The following CIMIP3 variants were observed in gnomAD, a reference collection of about 807,000 sequenced individuals.
CIMIP3 encodes the protein ciliary microtubule inner protein 3.
the CIMIP3 span, chr6:42,163,074 G>A: frequency 2.8e-6 from 2 of 716,938 alleles, no homozygotes; most frequent in East Asian, 2.7e-5. Context: ...GACTCTAAGG[G>A]GCAGAATCCG....
the CIMIP3 span, among the ~76,000 whole-genome samples, chr6:42,157,121 A>ACC: frequency 6.6e-6 from 1 of 152,058 alleles, no homozygotes; most frequent in African/African-American, 2.4e-5. Context: ...CTCACTCTAA[A>ACC]CCCCGGCATA....
At chr6:42,156,152 C>A in the CIMIP3 span, among the ~76,000 whole-genome samples, 1 of 152,024 alleles carries the variant, frequency 6.6e-6, no homozygotes, top group East Asian at 1.9e-4. Flanking sequence ...TGCCACCACG[C>A]CCGGCTAATT....
At chr6:42,156,569 C>T in the CIMIP3 span, among the ~76,000 whole-genome samples, 1 of 152,126 alleles carries the variant, frequency 6.6e-6, no homozygotes, top group Admixed American at 6.5e-5. Context: ...CTGTGCTCCC[C>T]CAAAGGGAAA....
the CIMIP3 span, among the ~76,000 whole-genome samples, chr6:42,156,021 A>G: frequency 6.6e-6 from 1 of 151,338 alleles, no homozygotes; most frequent in Non-Finnish European, 1.5e-5. Context: ...TTTTTTTGAG[A>G]CTCGCTTTGT....
the CIMIP3 span, among the ~76,000 whole-genome samples, chr6:42,156,335 A>T: frequency 6.7e-6 from 1 of 150,332 alleles, no homozygotes; most frequent in East Asian, 1.9e-4. Context: ...TTTTTTATAA[A>T]ATAGAGATGA....
the CIMIP3 span, among the ~76,000 whole-genome samples, chr6:42,159,712 A>G: frequency 1.3e-5 from 2 of 152,216 alleles, no homozygotes; most frequent in East Asian, 3.9e-4. Context: ...AGAAAGAAAT[A>G]GAAGATCCAC....
At chr6:42,155,531 A>G in the CIMIP3 span, 34 of 717,300 alleles carry the variant, frequency 4.7e-5, no homozygotes, top group Non-Finnish European at 7.3e-5. Flanking sequence ...CGGGGTCACA[A>G]GAAGCCTGAT....
chr6:42,156,160 A>AT, the CIMIP3 span, among the ~76,000 whole-genome samples: 15 of 151,712 alleles, frequency 9.9e-5, no homozygotes, highest in Middle Eastern at 6.8e-3. Context: ...CGCCCGGCTA[A>AT]TTTTTTTGTA....
chr6:42,157,405 C>T, the CIMIP3 span, among the ~76,000 whole-genome samples: 1 of 152,040 alleles, frequency 6.6e-6, no homozygotes, highest in South Asian at 2.1e-4. Context: ...TGCACCATCA[C>T]ACCCAGCTAA....
At chr6:42,156,856 A>G in the CIMIP3 span, among the ~76,000 whole-genome samples, 1 of 152,244 alleles carries the variant, frequency 6.6e-6, no homozygotes, top group Non-Finnish European at 1.5e-5. Flanking sequence ...GCCAAGGCAC[A>G]TTGGACAGCA....
chr6:42,156,635 C>T, the CIMIP3 span, among the ~76,000 whole-genome samples: 57 of 152,316 alleles, frequency 3.7e-4, no homozygotes, highest in Middle Eastern at 3.4e-3. Flanking sequence ...TGTAACTGCC[C>T]GAGAGGCTGA....
chr6:42,159,651 C>T, the CIMIP3 span, among the ~76,000 whole-genome samples: 2 of 152,224 alleles, frequency 1.3e-5, no homozygotes, highest in African/African-American at 4.8e-5. Flanking sequence ...GGCTAATCAC[C>T]TGCCACCCAG....
chr6:42,160,182 T>G, the CIMIP3 span, among the ~76,000 whole-genome samples: 2 of 151,588 alleles, frequency 1.3e-5, no homozygotes, highest in African/African-American at 2.4e-5. Flanking sequence ...AGAGACAAGG[T>G]CTCCCCATGT....
At chr6:42,156,010 T>A in the CIMIP3 span, among the ~76,000 whole-genome samples, 1 of 152,132 alleles carries the variant, frequency 6.6e-6, no homozygotes, top group South Asian at 2.1e-4. Context: ...TCTATTTATT[T>A]TTTTTTTGAG....
At chr6:42,161,122 G>A in the CIMIP3 span, among the ~76,000 whole-genome samples, 1 of 152,040 alleles carries the variant, frequency 6.6e-6, no homozygotes, top group African/African-American at 2.4e-5. Context: ...CAGGAGGTGG[G>A]GATTGCAGTG....
the CIMIP3 span, among the ~76,000 whole-genome samples, chr6:42,162,387 C>T: frequency 2.0e-5 from 3 of 148,904 alleles, no homozygotes; most frequent in Non-Finnish European, 4.4e-5. Context: ...TGTACTCCAG[C>T]CTGGGCAACA....
chr6:42,162,403 G>A, the CIMIP3 span, among the ~76,000 whole-genome samples: 69 of 121,622 alleles, frequency 5.7e-4, no homozygotes, highest in Admixed American at 7.2e-4. Context: ...CAACAAGAGC[G>A]AAACTCTTTT....
At chr6:42,159,986 G>T in the CIMIP3 span, among the ~76,000 whole-genome samples, 2 of 152,052 alleles carry the variant, frequency 1.3e-5, no homozygotes, top group African/African-American at 4.8e-5. Flanking sequence ...AAGTGGAAAA[G>T]AATCTTTTGT....
chr6:42,159,632 G>A, the CIMIP3 span, among the ~76,000 whole-genome samples: 1 of 152,226 alleles, frequency 6.6e-6, no homozygotes, highest in Non-Finnish European at 1.5e-5. Flanking sequence ...AGCTGTGCAG[G>A]GCAGCCTTGG....
Sources: gnomAD v4.1 joint callset for allele counts (sites outside exome capture counted in the v4.1 genomes callset) on GRCh38, gnomAD v4.1.1 for gene constraint, MANE v1.5 for transcripts, NCBI Gene and HGNC (gene_info 2026-07-23, HGNC 2026-07-21) for gene names.